The following MECOM variants were observed in gnomAD, a reference collection of about 807,000 sequenced individuals.
MECOM encodes the protein histone-lysine N-methyltransferase MECOM.
Under a neutral mutation model 116.3 loss-of-function variants are expected in MECOM, and 13 were observed. The ratio of observed to expected loss-of-function variants is 0.11; its 90% CI spans 0.07 to 0.18. The LOEUF (loss-of-function observed/expected upper bound fraction) is 0.18. Among genes scored for constraint, MECOM ranks in the 10% least tolerant of loss-of-function variants. The pLI, the probability that MECOM is intolerant of heterozygous loss-of-function variation, is 1.00. For synonymous variants in MECOM, 528 were observed against 535.2 expected (o/e 0.99, Z 0.19); for missense variants, 1,299 against 1,509.0 (o/e 0.86, Z 2.31).
chr3:169,224,822 C>A (rs1752542651), intron 2 of MECOM, among the ~76,000 whole-genome samples: 1 of 152,178 alleles, frequency 6.6e-6, no homozygotes, highest in Admixed American at 6.5e-5. Flanking sequence ...TAAGACCATC[C>A]AGCACTTGGC....
At chr3:169,508,801 A>G (rs1755610696) in intron 1 of MECOM, among the ~76,000 whole-genome samples, 1 of 152,204 alleles carries the variant, frequency 6.6e-6, no homozygotes, top group South Asian at 2.1e-4. Flanking sequence ...GAACTATTAC[A>G]TGGCTTCTTT....
Position 169,381,392 on chromosome 3 carries a change from G to A in MECOM, c.170C>T (p.Thr57Ile). ...TTTGTAAGGAGAACCCTCCTTTGGA[G>A]TGAATGCTTCACTGGATGTGGCAGG... ...CSPATSSEAF[T>I]PKEGSPYKAP... The change falls in exon 2 of 17, where the codon ACT becomes ATT. Residue 57 changes from threonine to isoleucine, a missense_variant. Thr to Ile is a moderately conservative substitution (Grantham distance 89). Transcript: ENST00000651503. The A allele has an allele frequency of 1.2e-6, 2 of 1,613,920 alleles. No homozygotes were observed. Among genetic ancestry groups the A allele is most frequent in the South Asian group, 2.2e-5 (2 of 91,090 alleles).
At chr3:169,548,802 T>C (rs932938808) in intron 1 of MECOM, among the ~76,000 whole-genome samples, 5 of 152,152 alleles carry the variant, frequency 3.3e-5, no homozygotes, top group African/African-American at 9.7e-5. Flanking sequence ...CTGTGCTCCA[T>C]TTTAGGTTAT....
intron 1 of MECOM, among the ~76,000 whole-genome samples, chr3:169,629,933 C>T (rs1771872283): frequency 6.6e-6 from 1 of 152,180 alleles, no homozygotes; most frequent in Non-Finnish European, 1.5e-5. Context: ...CTCCTGAGAA[C>T]AGCAGAATGC....
At chr3:169,321,249 T>C (rs1457865056) in intron 2 of MECOM, among the ~76,000 whole-genome samples, 1 of 152,192 alleles carries the variant, frequency 6.6e-6, no homozygotes, top group Non-Finnish European at 1.5e-5. Flanking sequence ...GCTGTTAGAA[T>C]ACAAAGAGTG....
chr3:169,127,724 C>T (rs193246721), intron 5 of MECOM, 120 bp downstream of exon 5: 207 of 735,630 alleles, frequency 2.8e-4, no homozygotes, highest in African/African-American at 1.8e-3. Flanking sequence ...GAACATGTCA[C>T]GAGTGCATTT....
intron 2 of MECOM, among the ~76,000 whole-genome samples, chr3:169,356,491 G>A (rs192840048): frequency 2.0e-4 from 31 of 151,926 alleles, no homozygotes; most frequent in Admixed American, 1.5e-3. Flanking sequence ...CTGGGGTACC[G>A]CGATAACATC....
intron 1 of MECOM, among the ~76,000 whole-genome samples, chr3:169,437,580 T>C (rs1454322230): frequency 1.3e-5 from 2 of 152,194 alleles, no homozygotes; most frequent in Non-Finnish European, 2.9e-5. Flanking sequence ...CTTTTTGGAA[T>C]GTAATTCTTG....
At chr3:169,178,342 GT>G (rs1369524765) in intron 2 of MECOM, among the ~76,000 whole-genome samples, 1 of 152,196 alleles carries the variant, frequency 6.6e-6, no homozygotes, top group Non-Finnish European at 1.5e-5. Context: ...CCCCTGGAGG[GT>G]TTTGACAGAG....
At chr3:169,469,076 G>A (rs1183868526) in intron 1 of MECOM, among the ~76,000 whole-genome samples, 1 of 152,148 alleles carries the variant, frequency 6.6e-6, no homozygotes, top group Non-Finnish European at 1.5e-5. Flanking sequence ...CACAGGGACA[G>A]ATCGTTACAA....
intron 1 of MECOM, among the ~76,000 whole-genome samples, chr3:169,545,644 T>A (rs1760636273): frequency 6.6e-6 from 1 of 152,200 alleles, no homozygotes; most frequent in South Asian, 2.1e-4. Flanking sequence ...CACTTAGCTT[T>A]CTTTCAAAGA....
intron 1 of MECOM, among the ~76,000 whole-genome samples, chr3:169,590,506 A>G (rs1766282411): frequency 6.6e-6 from 1 of 152,216 alleles, no homozygotes. Context: ...AGAAATGGAG[A>G]ACCAGAATAA....
intron 2 of MECOM, chr3:169,145,417 T>C (rs1739564301): frequency 4.2e-6 from 1 of 240,644 alleles, no homozygotes; most frequent in Non-Finnish European, 8.1e-6. Flanking sequence ...ATAATAGCAA[T>C]GCACATTTTT....
At chr3:169,427,818 A>C (rs1284036495) in intron 1 of MECOM, among the ~76,000 whole-genome samples, 1 of 152,218 alleles carries the variant, frequency 6.6e-6, no homozygotes, top group Non-Finnish European at 1.5e-5. Context: ...AGACAGAAAT[A>C]AATTAATGAA....
chr3:169,405,127 A>G (rs1023880390), intron 1 of MECOM, among the ~76,000 whole-genome samples: 9 of 152,208 alleles, frequency 5.9e-5, no homozygotes, highest in Admixed American at 5.2e-4. Flanking sequence ...CTAATGTTCT[A>G]TCGCTGTGCT....
chr3:169,278,966 G>A (rs911311558), intron 2 of MECOM, among the ~76,000 whole-genome samples: 5 of 152,172 alleles, frequency 3.3e-5, no homozygotes, highest in African/African-American at 1.2e-4. Flanking sequence ...CTGTGCTCTG[G>A]CCTAGGCAGG....
chr3:169,190,514 T>C (rs767575020), intron 2 of MECOM, among the ~76,000 whole-genome samples: 2 of 152,064 alleles, frequency 1.3e-5, no homozygotes, highest in East Asian at 3.9e-4. Flanking sequence ...TCATACTGCT[T>C]AGAGTTGCAA....
At chr3:169,152,480 A>G (rs1741323500) in intron 2 of MECOM, among the ~76,000 whole-genome samples, 1 of 152,180 alleles carries the variant, frequency 6.6e-6, no homozygotes, top group African/African-American at 2.4e-5. Flanking sequence ...CAGCTCAGAC[A>G]TGGGCCTTTG....
chr3:169,475,744 A>G (rs578044184), intron 1 of MECOM, among the ~76,000 whole-genome samples: 1 of 152,286 alleles, frequency 6.6e-6, no homozygotes, highest in East Asian at 1.9e-4. Context: ...TGCCAATTAA[A>G]AAAAAAGGGG....
Sources: allele counts gnomAD v4.1 joint callset (sites outside exome capture counted in the v4.1 genomes callset), GRCh38; gene constraint gnomAD v4.1.1; transcripts MANE v1.5; gene names NCBI Gene and HGNC (gene_info 2026-07-23, HGNC 2026-07-21).